MAP3K2: variants seen among roughly 807,000 people sequenced by gnomAD.
MAP3K2 encodes the protein MAP/ERK kinase kinase 2.
Under a neutral mutation model 80.3 loss-of-function variants are expected in MAP3K2, and 24 were observed. The observed-to-expected ratio is 0.30, with a 90% CI of 0.22 to 0.42. MAP3K2 has a LOEUF of 0.42. Among genes scored for constraint, MAP3K2 ranks in the 10% least tolerant of loss-of-function variants. The pLI, the probability that MAP3K2 is intolerant of heterozygous loss-of-function variation, is 1.00. For missense variants in MAP3K2, 608 were observed against 750.1 expected (o/e 0.81, Z 2.21); for synonymous variants, 244 against 253.7 (o/e 0.96, Z 0.36).
intron 1 of MAP3K2, among the ~76,000 whole-genome samples, chr2:127,381,060 TCTTG>T (rs1687237257): frequency 6.6e-6 from 1 of 152,180 alleles, no homozygotes; most frequent in South Asian, 2.1e-4. Context: ...TGATACAGGG[TCTTG>T]CTATGTTGCC....
At chr2:127,350,454 C>CAAAAAAAAAAAAAAAAAAAAAA (rs752516255) in intron 1 of MAP3K2, among the ~76,000 whole-genome samples, 4 of 99,412 alleles carry the variant, frequency 4.0e-5, no homozygotes, top group Non-Finnish European at 6.1e-5. Context: ...AAAACAAAAA[C>CAAAAAAAAAAAAAAAAAAAAAA]AAAAAAAAAA....
At chr2:127,352,209 C>G (rs192499531) in intron 1 of MAP3K2, among the ~76,000 whole-genome samples, 1 of 152,018 alleles carries the variant, frequency 6.6e-6, no homozygotes, top group Non-Finnish European at 1.5e-5. Context: ...TATTCTACTA[C>G]AGTAAAGGTT....
At chr2:127,323,153 G>C (rs1355521381) in intron 11 of MAP3K2, among the ~76,000 whole-genome samples, 1 of 150,434 alleles carries the variant, frequency 6.6e-6, no homozygotes, top group East Asian at 2.0e-4. Flanking sequence ...TGTAATCCTA[G>C]CACTTTGGGA....
intron 1 of MAP3K2, among the ~76,000 whole-genome samples, chr2:127,360,247 G>T (rs980442947): frequency 6.6e-6 from 1 of 152,000 alleles, no homozygotes; most frequent in Non-Finnish European, 1.5e-5. Flanking sequence ...TATGCTGAGT[G>T]AAAGAAGCTA....
rs1266280912 is a variant in MAP3K2 at position 127,322,779 on chromosome 2, G to T, written c.839-527C>A. Among the ~76,000 whole-genome samples, 2 of 151,458 alleles carry T rather than the reference G, an allele frequency of 1.3e-5. No homozygotes were observed. The highest frequency in any genetic ancestry group is 2.9e-5 in the Non-Finnish European group (2 of 67,824). ...CAGCTAATTTTTTGTATTTTTAGTA[G>T]AGACGGGGTTTCATCACGTTGGCCA... On this transcript the variant is annotated intron_variant, in intron 11 of 16. Transcript: ENST00000682094. This position sits in a 1 kb window ranked among gnomAD's most constrained non-coding sequence, Gnocchi z 4.2.
intron 1 of MAP3K2, among the ~76,000 whole-genome samples, chr2:127,357,274 G>A (rs1321797301): frequency 1.3e-5 from 2 of 152,186 alleles, no homozygotes; most frequent in African/African-American, 2.4e-5. Flanking sequence ...AAAGCTGATT[G>A]TAAAATTTAC....
At chr2:127,360,850 T>C (rs1686873820) in intron 1 of MAP3K2, among the ~76,000 whole-genome samples, 1 of 152,146 alleles carries the variant, frequency 6.6e-6, no homozygotes, top group African/African-American at 2.4e-5. Flanking sequence ...TATTCAAAAA[T>C]TCTGAAGTTA....
At chr2:127,375,027 G>A (rs1687125606) in intron 1 of MAP3K2, among the ~76,000 whole-genome samples, 1 of 152,142 alleles carries the variant, frequency 6.6e-6, no homozygotes, top group African/African-American at 2.4e-5. Context: ...CTGTAGAAAA[G>A]CACTTTGCTA....
At chr2:127,355,655 G>A (rs1222513338) in intron 1 of MAP3K2, among the ~76,000 whole-genome samples, 1 of 152,148 alleles carries the variant, frequency 6.6e-6, no homozygotes, top group Non-Finnish European at 1.5e-5. Context: ...GGTGGTTGCT[G>A]AAGGTTGGGG....
intron 6 of MAP3K2, 55 bp from the exon 7 acceptor site, chr2:127,330,063 G>T: frequency 9.9e-7 from 1 of 1,005,198 alleles, no homozygotes; most frequent in Non-Finnish European, 1.6e-6. Flanking sequence ...GCTTTAAACA[G>T]AATCCTCTCC....
intron 15 of MAP3K2, among the ~76,000 whole-genome samples, chr2:127,312,204 T>C (rs1367881779): frequency 6.6e-6 from 1 of 152,232 alleles, no homozygotes; most frequent in African/African-American, 2.4e-5. Context: ...AATACTTCTA[T>C]GAAGATAAGT....
intron 3 of MAP3K2, among the ~76,000 whole-genome samples, chr2:127,338,678 G>A (rs1197021453): frequency 6.6e-6 from 1 of 152,080 alleles, no homozygotes; most frequent in Non-Finnish European, 1.5e-5. Flanking sequence ...ATTTATTATG[G>A]CTGCACAGAA....
intron 1 of MAP3K2, among the ~76,000 whole-genome samples, chr2:127,369,664 C>T (rs930033278): frequency 1.3e-5 from 2 of 152,012 alleles, no homozygotes; most frequent in South Asian, 2.1e-4. Context: ...CGTGGGAGGG[C>T]TGTTCACAAA....
In MAP3K2 at chr2:127,299,207, T is replaced by C. The variant is rs1685543106; in HGVS notation, c.*8372A>G. ...TCCTAACACGAGTAATTTTACATGGTACCGCATATTTAAAACAAAGTTTTC... is the reference window on the plus strand; with the variant it reads ...TCCTAACACGAGTAATTTTACATGGCACCGCATATTTAAAACAAAGTTTTC... On this transcript the variant is annotated 3_prime_UTR_variant, in exon 17 of 17. Coordinates refer to ENST00000682094, the MANE Select transcript of MAP3K2 (RefSeq NM_001371910.2). 6.6e-6 allele frequency: 1 copy of C among 152,194 alleles called. No homozygotes were observed. The highest frequency in any genetic ancestry group is 1.5e-5 in the Non-Finnish European group (1 of 68,020). The allele number at this position is 152,194 out of a possible 1,614,324, so 9.4% of individuals were successfully genotyped here.
At position 127,314,893 on chromosome 2, in the gene MAP3K2, A is replaced by G; in HGVS notation, c.1327-10T>C. 1 of 1,582,812 alleles carries G rather than the reference A, an allele frequency of 6.3e-7. No individual in the cohort carries two copies. On this transcript the variant is annotated splice_polypyrimidine_tract_variant and intron_variant, in intron 14 of 16. Transcript: ENST00000682094. Reference sequence around the variant, plus strand: ...GGTCCTTAATTGAACCCTAGGAGAAAAGAAAACAAAAATAAAAACTACTGT... The same window carrying G: ...GGTCCTTAATTGAACCCTAGGAGAAGAGAAAACAAAAATAAAAACTACTGT...
At chr2:127,359,015 T>G (rs1429839824) in intron 1 of MAP3K2, among the ~76,000 whole-genome samples, 2 of 152,140 alleles carry the variant, frequency 1.3e-5, no homozygotes, top group East Asian at 3.9e-4. Context: ...AAAAGATCAG[T>G]GGCTGCCAGG....
intron 5 of MAP3K2, among the ~76,000 whole-genome samples, chr2:127,331,789 A>G (rs1686260920): frequency 6.6e-6 from 1 of 152,202 alleles, no homozygotes; most frequent in Admixed American, 6.5e-5. Context: ...TATTTTTAGC[A>G]GAGACAGGGT....
rs1573975185 is a variant in MAP3K2 at position 127,307,826 on chromosome 2, T to C, written c.1635-22A>G. The C allele has an allele frequency of 6.7e-7, 1 of 1,491,296 alleles. No homozygotes were observed. The highest frequency in any genetic ancestry group is 9.2e-7 in the Non-Finnish European group (1 of 1,090,156). 92.4% of individuals were successfully genotyped at this position (1,491,296 alleles called of 1,614,324 possible). On this transcript the variant is annotated intron_variant, in intron 16 of 16. Transcript: ENST00000682094. This position sits in a 1 kb window ranked among gnomAD's most constrained non-coding sequence, Gnocchi z 5.4. ...ACTCCTGAAAAGAAACAAAAAGAAA[T>C]ACATTACACAAACAACAACATGAAA...
At position 127,298,955 on chromosome 2, in the gene MAP3K2, A is replaced by ATTT. The variant is rs1558969047; in HGVS notation, c.*8623_*8624insAAA. 27 of 149,592 alleles carry ATTT rather than the reference A, an allele frequency of 1.8e-4. No individual in the cohort carries two copies. The highest frequency in any genetic ancestry group is 6.3e-4 in the African/African-American group (26 of 41,218). 9.3% of individuals were successfully genotyped at this position (149,592 alleles called of 1,614,324 possible). A position where few individuals can be genotyped will look rare whatever the true frequency, so the allele number is the denominator to read the frequency against. Reference sequence around the variant, plus strand: ...TTCTTTTATATTAGATTTTTTTTTAAAAAAAAGCTATTTACCAGCAAGAAA... The same window carrying ATTT: ...TTCTTTTATATTAGATTTTTTTTTAATTTAAAAAAGCTATTTACCAGCAAGAAA... On this transcript the variant is annotated 3_prime_UTR_variant, in exon 17 of 17. Coordinates refer to ENST00000682094, the MANE Select transcript of MAP3K2 (RefSeq NM_001371910.2).
Sources: gnomAD v4.1 joint callset for allele counts (sites outside exome capture counted in the v4.1 genomes callset) on GRCh38, gnomAD v4.1.1 for gene constraint, Gnocchi (gnomAD v3.1) non-coding constraint, MANE v1.5 for transcripts, NCBI Gene and HGNC (gene_info 2026-07-23, HGNC 2026-07-21) for gene names.